Variants in NR3C2 observed in about 807,000 individuals in gnomAD.
NR3C2 encodes nuclear receptor subfamily 3 group C member 2, also known as mineralocorticoid receptor.
Under a neutral mutation model 86.4 loss-of-function variants are expected in NR3C2, and 15 were observed. The ratio of observed to expected loss-of-function variants is 0.17; its 90% CI spans 0.12 to 0.27. NR3C2 has a LOEUF of 0.27. Ranked by LOEUF, NR3C2 falls within the 10% of genes least tolerant of loss-of-function variation. The pLI is 1.00. For synonymous variants in NR3C2, 458 were observed against 450.5 expected, an observed-to-expected ratio of 1.02 and a Z score of -0.21; for missense variants, 960 against 1,195.6, an observed-to-expected ratio of 0.80 and a Z score of 2.91.
chr4:148,436,900 T>C (rs769836521), intron 1 of NR3C2, 38 bp from the exon 2 acceptor site: 9 of 1,473,364 alleles, frequency 6.1e-6, no homozygotes, highest in Non-Finnish European at 8.3e-6. Flanking sequence ...TAGAGTCAGT[T>C]ATAGCAATAT....
Position 148,393,879 on chromosome 4 carries a change from G to T in NR3C2, c.1757+41225C>A, listed in dbSNP as rs1311627098. 3.9e-5 allele frequency among the ~76,000 whole-genome samples: 6 copies of T among 152,292 alleles called. No individual in the cohort carries two copies. The East Asian group carries it at 1.2e-3, about 29-fold the overall frequency. On this transcript the variant is annotated intron_variant, in intron 2 of 8. Transcript: ENST00000358102. ...AAAACACATGGCCATAGAATTTTCA[G>T]CTCCTTCCATAAAGACGAGGGGTCT...
At chr4:148,296,044 CAAAAAAAAA>C (rs529710200) in intron 2 of NR3C2, among the ~76,000 whole-genome samples, 151 of 73,942 alleles carry the variant, frequency 2.0e-3, no homozygotes, top group African/African-American at 7.6e-3. Context: ...GAGCTGAGGC[CAAAAAAAAA>C]AAAAAAAAAA....
At chr4:148,095,228 C>T (rs955533625) in intron 8 of NR3C2, among the ~76,000 whole-genome samples, 2 of 150,296 alleles carry the variant, frequency 1.3e-5, no homozygotes, top group Non-Finnish European at 3.0e-5. Context: ...CCCCAACCTG[C>T]TCCCAGTGCA....
At chr4:148,136,147 T>G (rs1733333376) in intron 6 of NR3C2, among the ~76,000 whole-genome samples, 1 of 150,920 alleles carries the variant, frequency 6.6e-6, no homozygotes, top group Non-Finnish European at 1.5e-5. Flanking sequence ...CTGTGTTCTC[T>G]CTCTGGAAAA....
chr4:148,202,499 T>A (rs1407102083), intron 3 of NR3C2, among the ~76,000 whole-genome samples: 1 of 152,258 alleles, frequency 6.6e-6, no homozygotes, highest in African/African-American at 2.4e-5. Flanking sequence ...CTGTACCTAA[T>A]CTGGGGGCTC....
At chr4:148,255,053 T>C (rs13119790) in intron 3 of NR3C2, among the ~76,000 whole-genome samples, 26,192 of 124,894 alleles carry the variant, frequency 0.21, 3,020 homozygotes, top group East Asian at 0.51. Flanking sequence ...TTCTCTGTTT[T>C]GTGGCACAAA....
At chr4:148,228,448 T>A (rs1738290124) in intron 3 of NR3C2, among the ~76,000 whole-genome samples, 1 of 152,204 alleles carries the variant, frequency 6.6e-6, no homozygotes, top group African/African-American at 2.4e-5. Flanking sequence ...CTTAGGTTCC[T>A]AATATTTTGC....
chr4:148,094,845 A>G (rs889290705), intron 8 of NR3C2, among the ~76,000 whole-genome samples: 1 of 152,378 alleles, frequency 6.6e-6, no homozygotes, highest in East Asian at 1.9e-4. Context: ...TGTGGCATAC[A>G]CAGAGAGCTA....
chr4:148,442,711 C>A, upstream of NR3C2: 1 of 985,420 alleles, frequency 1.0e-6, no homozygotes. Context: ...AGCCTGGACT[C>A]GGCAGCTTCC....
At chr4:148,309,047 CAA>C (rs1052682750) in intron 2 of NR3C2, among the ~76,000 whole-genome samples, 1 of 144,908 alleles carries the variant, frequency 6.9e-6, no homozygotes, top group Non-Finnish European at 1.5e-5. Context: ...GTTTTCAATA[CAA>C]AAAAAAAAGT....
intron 4 of NR3C2, among the ~76,000 whole-genome samples, chr4:148,156,069 C>T (rs995443824): frequency 5.9e-5 from 9 of 152,058 alleles, no homozygotes; most frequent in African/African-American, 2.2e-4. Flanking sequence ...ATGTAGAAAG[C>T]TGAAACTGGA....
intron 2 of NR3C2, among the ~76,000 whole-genome samples, chr4:148,360,950 T>A (rs1457872908): frequency 1.3e-5 from 2 of 152,166 alleles, no homozygotes; most frequent in Non-Finnish European, 2.9e-5. Flanking sequence ...GTCACCCTCA[T>A]AGACTGCCTC....
intron 2 of NR3C2, among the ~76,000 whole-genome samples, chr4:148,403,772 C>A (rs1748280095): frequency 6.6e-6 from 1 of 152,024 alleles, no homozygotes; most frequent in African/African-American, 2.4e-5. Flanking sequence ...AGCACTTTTT[C>A]ACATTTCCTC....
At chr4:148,299,771 A>T (rs1483256389) in intron 2 of NR3C2, among the ~76,000 whole-genome samples, 1 of 151,602 alleles carries the variant, frequency 6.6e-6, no homozygotes, top group Non-Finnish European at 1.5e-5. Context: ...TTATTTTTTT[A>T]TTTTTTTCTC....
intron 8 of NR3C2, among the ~76,000 whole-genome samples, chr4:148,086,723 CAG>C (rs1730831095): frequency 1.3e-5 from 2 of 152,262 alleles, no homozygotes; most frequent in South Asian, 4.1e-4. Context: ...GCCTGAGTGA[CAG>C]AGCGAGACTG....
chr4:148,201,798 C>T (rs761534078), intron 3 of NR3C2, among the ~76,000 whole-genome samples: 6 of 152,164 alleles, frequency 3.9e-5, no homozygotes, highest in African/African-American at 1.4e-4. Flanking sequence ...CCATATACCC[C>T]CTTCAACTCC....
chr4:148,266,586 G>T (rs1249200106), intron 2 of NR3C2, among the ~76,000 whole-genome samples: 1 of 152,220 alleles, frequency 6.6e-6, no homozygotes, highest in Non-Finnish European at 1.5e-5. Flanking sequence ...GGTGGGGCTG[G>T]ATCCCATGGC....
chr4:148,115,071 G>A (rs910250740), intron 7 of NR3C2, among the ~76,000 whole-genome samples: 1 of 152,196 alleles, frequency 6.6e-6, no homozygotes, highest in Non-Finnish European at 1.5e-5. Context: ...GGCTCTGCAC[G>A]CAAGGCAAAA....
chr4:148,294,853 T>C (rs939822943), intron 2 of NR3C2, among the ~76,000 whole-genome samples: 1 of 152,020 alleles, frequency 6.6e-6, no homozygotes, highest in Non-Finnish European at 1.5e-5. Flanking sequence ...CAGGGTGTGG[T>C]GGCACATGCT....
Sources: allele counts gnomAD v4.1 joint callset (sites outside exome capture counted in the v4.1 genomes callset), GRCh38; gene constraint gnomAD v4.1.1; transcripts MANE v1.5; gene names NCBI Gene and HGNC (gene_info 2026-07-23, HGNC 2026-07-21).